Variants in SLC24A3 observed in about 807,000 individuals in gnomAD.
SLC24A3 encodes solute carrier family 24 member 3, also known as sodium/potassium/calcium exchanger 3.
Under a neutral mutation model 75.8 loss-of-function variants are expected in SLC24A3, and 28 were observed. The ratio of observed to expected loss-of-function variants is 0.37; its 90% CI spans 0.27 to 0.51. SLC24A3 has a LOEUF of 0.51. SLC24A3 is among the 20% of genes least tolerant of loss of function. The probability of loss-of-function intolerance (pLI) is 0.94; values close to 1 mark genes in which losing one functional copy is unlikely to be tolerated. For synonymous variants in SLC24A3, 372 were observed against 334.1 expected (o/e 1.11, Z -1.24); for missense variants, 663 against 847.8 (o/e 0.78, Z 2.71).
At chr20:19,430,099 TC>T (rs895901032) in intron 2 of SLC24A3, among the ~76,000 whole-genome samples, 4 of 152,168 alleles carry the variant, frequency 2.6e-5, no homozygotes, top group African/African-American at 9.6e-5. Flanking sequence ...TGATCTTTCT[TC>T]CCCAGCCCCC....
intron 2 of SLC24A3, among the ~76,000 whole-genome samples, chr20:19,415,270 G>A (rs891620864): frequency 1.5e-4 from 23 of 152,230 alleles, no homozygotes; most frequent in African/African-American, 4.8e-5. Context: ...CATGTTCATT[G>A]TAGAATATAA....
chr20:19,310,655 T>C (rs1477410477), intron 2 of SLC24A3, among the ~76,000 whole-genome samples: 1 of 152,208 alleles, frequency 6.6e-6, no homozygotes, highest in African/African-American at 2.4e-5. Flanking sequence ...TATGAAGCCT[T>C]GCTGAGACAG....
chr20:19,665,990 A>G (rs974435733), intron 8 of SLC24A3, 101 bp downstream of exon 8: 3 of 1,320,522 alleles, frequency 2.3e-6, no homozygotes, highest in East Asian at 2.3e-5. Context: ...GGGAAGTGTC[A>G]TGACAGCTTA....
At chr20:19,349,101 A>T (rs1178537149) in intron 2 of SLC24A3, among the ~76,000 whole-genome samples, 1 of 152,166 alleles carries the variant, frequency 6.6e-6, no homozygotes. Flanking sequence ...CAAGCAATAC[A>T]TACTTGGTAA....
At chr20:19,300,419 G>A (rs949847636) in intron 2 of SLC24A3, among the ~76,000 whole-genome samples, 2 of 152,140 alleles carry the variant, frequency 1.3e-5, no homozygotes, top group Non-Finnish European at 2.9e-5. Context: ...CTTCCTAGGT[G>A]ACCCCATCCT....
intron 1 of SLC24A3, among the ~76,000 whole-genome samples, chr20:19,252,643 C>T (rs534038065): frequency 1.2e-4 from 16 of 133,364 alleles, no homozygotes; most frequent in African/African-American, 3.6e-4. Flanking sequence ...ATTGGAATGG[C>T]GGGGGGGGGT....
At chr20:19,381,357 G>A (rs1191048553) in intron 2 of SLC24A3, among the ~76,000 whole-genome samples, 1 of 152,158 alleles carries the variant, frequency 6.6e-6, no homozygotes, top group Admixed American at 6.5e-5. Context: ...GGTAATAAGA[G>A]CTGAGAAGAG....
At chr20:19,565,655 C>G (rs184262925) in intron 3 of SLC24A3, among the ~76,000 whole-genome samples, 1 of 152,116 alleles carries the variant, frequency 6.6e-6, no homozygotes, top group African/African-American at 2.4e-5. Context: ...ACCAAGACCT[C>G]GGAGCCTTTT....
At chr20:19,450,571 G>A (rs1205296822) in intron 2 of SLC24A3, among the ~76,000 whole-genome samples, 5 of 152,154 alleles carry the variant, frequency 3.3e-5, no homozygotes, top group Admixed American at 6.5e-5. Context: ...AATTTCTTGA[G>A]GATAGTGGCC....
chr20:19,252,619 A>G lies in SLC24A3; in HGVS notation c.143-28340A>G, dbSNP rs114594664. Among the ~76,000 whole-genome samples the G allele has an allele frequency of 5.4e-3, 782 of 144,260 alleles. 6 individuals are homozygous for G. Among genetic ancestry groups the G allele is most frequent in the African/African-American group, 0.018 (700 of 38,770 alleles). The allele number at this position is 144,260 out of a possible 152,430, so 94.6% of individuals were successfully genotyped here. ...TTTCTCTCTCTTTCAGCTTAAAAAAACAAAAAGCCTGAAATTGGAATGGCG... is the reference window on the plus strand; with the variant it reads ...TTTCTCTCTCTTTCAGCTTAAAAAAGCAAAAAGCCTGAAATTGGAATGGCG... On this transcript the variant is annotated intron_variant, in intron 1 of 16. Coordinates refer to ENST00000328041, the MANE Select transcript of SLC24A3 (RefSeq NM_020689.4).
intron 2 of SLC24A3, among the ~76,000 whole-genome samples, chr20:19,346,408 G>GTA (rs1568596004): frequency 7.1e-6 from 1 of 141,442 alleles, no homozygotes; most frequent in African/African-American, 2.6e-5. Flanking sequence ...TATATATATG[G>GTA]TATATATATG....
intron 1 of SLC24A3, among the ~76,000 whole-genome samples, chr20:19,269,756 G>A (rs781601565): frequency 3.4e-4 from 36 of 105,358 alleles, no homozygotes; most frequent in Non-Finnish European, 6.9e-4. Context: ...CCTGAGAAAC[G>A]TGGTTCATTT....
chr20:19,252,643 C>CAGG lies in SLC24A3; in HGVS notation c.143-28316_143-28315insAGG, dbSNP rs113050087. On this transcript the variant is annotated intron_variant, in intron 1 of 16. Transcript: ENST00000328041. ...AACAAAAAGCCTGAAATTGGAATGG[C>CAGG]GGGGGGGGGTGCCTGTTCCAGAAAC... 0.056 allele frequency among the ~76,000 whole-genome samples: 7,531 copies of CAGG among 133,324 alleles called. 1,514 individuals carry two copies. In the East Asian group the frequency reaches 0.67, roughly 12 times the overall value. The allele number at this position is 133,324 out of a possible 152,430, so 87.5% of individuals were successfully genotyped here.
At position 19,503,991 on chromosome 20, in the gene SLC24A3, G is replaced by C. The variant is rs545027764; in HGVS notation, c.272-11497G>C. On this transcript the variant is annotated intron_variant, in intron 2 of 16. Transcript: ENST00000328041. ...TTCATTTTAGGACTTGGTTAGCAAA[G>C]CTTCAGTATAGGGAAATAAGGAGCG... Among the ~76,000 whole-genome samples the C allele has an allele frequency of 2.0e-5, 3 of 152,298 alleles. No homozygotes were observed. The South Asian group carries it at 6.2e-4, about 32-fold the overall frequency.
intron 2 of SLC24A3, among the ~76,000 whole-genome samples, chr20:19,290,442 C>T (rs1015786579): frequency 6.6e-6 from 1 of 152,098 alleles, no homozygotes; most frequent in Non-Finnish European, 1.5e-5. Context: ...GAGATCAGTC[C>T]CCTCAGGAAT....
intron 3 of SLC24A3, among the ~76,000 whole-genome samples, chr20:19,544,305 C>T (rs904091269): frequency 2.0e-5 from 3 of 152,146 alleles, no homozygotes; most frequent in Admixed American, 6.5e-5. Flanking sequence ...CCAGTGTGCA[C>T]GTGGCCCTGT....
At chr20:19,456,623 T>C (rs1987582471) in intron 2 of SLC24A3, among the ~76,000 whole-genome samples, 1 of 152,256 alleles carries the variant, frequency 6.6e-6, no homozygotes, top group Non-Finnish European at 1.5e-5. Flanking sequence ...TCTTTAAATC[T>C]TTCCACATTG....
chr20:19,230,043 C>T (rs769901124), intron 1 of SLC24A3, among the ~76,000 whole-genome samples: 21 of 148,792 alleles, frequency 1.4e-4, no homozygotes, highest in Non-Finnish European at 2.2e-4. Context: ...CCAAAATTTA[C>T]ATCTTCTTCC....
intron 6 of SLC24A3, among the ~76,000 whole-genome samples, chr20:19,619,284 G>A (rs549142248): frequency 3.9e-5 from 6 of 152,206 alleles, no homozygotes; most frequent in Non-Finnish European, 5.9e-5. Context: ...GGAGCTGGTA[G>A]CCACCATGAA....
Sources: gnomAD v4.1 joint callset for allele counts (sites outside exome capture counted in the v4.1 genomes callset) on GRCh38, gnomAD v4.1.1 for gene constraint, MANE v1.5 for transcripts, NCBI Gene and HGNC (gene_info 2026-07-23, HGNC 2026-07-21) for gene names.